CACNA1C: variants seen among roughly 807,000 people sequenced by gnomAD.
The protein encoded by CACNA1C is voltage-dependent L-type calcium channel subunit alpha-1C.
CACNA1C carries 30 observed loss-of-function variants against 229.0 expected under a neutral mutation model. That is an observed-to-expected ratio of 0.13 (90% confidence interval 0.10 to 0.18). CACNA1C has a LOEUF of 0.18. CACNA1C is among the 10% of genes least tolerant of loss of function. The pLI is 1.00. For missense variants in CACNA1C, 1,658 were observed against 2,845.0 expected, an observed-to-expected ratio of 0.58 and a Z score of 9.49; for synonymous variants, 1,114 against 1,132.5, an observed-to-expected ratio of 0.98 and a Z score of 0.33.
At chr12:2,320,184 G>A (rs145959458) in intron 3 of CACNA1C, among the ~76,000 whole-genome samples, 87 of 152,296 alleles carry the variant, frequency 5.7e-4, no homozygotes, top group Middle Eastern at 3.4e-3. Flanking sequence ...GTTTCCAGTG[G>A]TTGGTCAGTG....
At chr12:2,352,574 GA>G (rs1164578353) in intron 3 of CACNA1C, among the ~76,000 whole-genome samples, 6 of 151,358 alleles carry the variant, frequency 4.0e-5, no homozygotes, top group South Asian at 2.1e-4. Context: ...CAAGGATGCT[GA>G]AATTAGCACT....
At position 2,137,387 on chromosome 12, in the gene CACNA1C, C is replaced by T. The variant is rs558868073; in HGVS notation, c.477+16957C>T. Among the ~76,000 whole-genome samples, 17 of 151,124 alleles carry T rather than the reference C, an allele frequency of 1.1e-4. 1 individual carries two copies. The highest frequency in any genetic ancestry group is 1.2e-4 in the Non-Finnish European group (8 of 67,554). On this transcript the variant is annotated intron_variant, in intron 3 of 46. Transcript: ENST00000399655. ...GAGAATATAGATAGAAATGCTCCGC[C>T]CAGCTCTACCAAAAAAAAAAGTATA...
chr12:2,330,140 G>C (rs560191371), intron 3 of CACNA1C, among the ~76,000 whole-genome samples: 156 of 152,314 alleles, frequency 1.0e-3, no homozygotes, highest in Non-Finnish European at 1.7e-3. Flanking sequence ...CACACATCCT[G>C]TTTGAATTGC....
intron 3 of CACNA1C, among the ~76,000 whole-genome samples, chr12:2,416,910 T>C (rs550649614): frequency 6.6e-6 from 1 of 152,348 alleles, no homozygotes; most frequent in Admixed American, 6.5e-5. Context: ...AACCCAGCTC[T>C]TCTAGCTCCA....
At chr12:2,685,989 G>A (rs189098896) in intron 44 of CACNA1C, 147 bp downstream of exon 44, 44 of 791,668 alleles carry the variant, frequency 5.6e-5, no homozygotes, top group Non-Finnish European at 8.6e-5. Flanking sequence ...ACATTCCAAA[G>A]GCAGGGTGTG....
rs778174101 is a variant in CACNA1C, at chr12:2,457,724, T to C, written c.757+18T>C. 5.1e-6 allele frequency: 8 copies of C among 1,566,122 alleles called. No homozygotes were observed. The highest frequency in any genetic ancestry group is 6.0e-6 in the Non-Finnish European group (7 of 1,157,504). ...AGTCCCAAGTAAGTGAAGCCCGTTC[T>C]TGTGTACAGTGTTATCTCCTCACCA... is the stretch of plus-strand genomic sequence containing the variant. On this transcript the variant is annotated intron_variant, in intron 5 of 46. Transcript: ENST00000399655.
Position 2,053,879 on chromosome 12 carries a change from C to A in CACNA1C, c.49+268C>A, listed in dbSNP as rs536632940. Among the ~76,000 whole-genome samples the A allele has an allele frequency of 2.0e-5, 3 of 148,904 alleles. No homozygotes were observed. The East Asian group carries it at 6.0e-4, about 30-fold the overall frequency. Reference sequence around the variant, plus strand: ...CATGTGTTTCCTGTGAAATTCCAGGCGAGGGGGGAAAAGTTCCCCAAGTGG... The same window carrying A: ...CATGTGTTTCCTGTGAAATTCCAGGAGAGGGGGGAAAAGTTCCCCAAGTGG... On this transcript the variant is annotated intron_variant, in intron 1 of 46. Transcript: ENST00000399655. This position sits in a 1 kb window ranked among gnomAD's most constrained non-coding sequence, Gnocchi z 5.8.
chr12:2,414,189 A>G (rs7312105), intron 3 of CACNA1C, among the ~76,000 whole-genome samples: 51,893 of 152,026 alleles, frequency 0.34, 9,257 homozygotes, highest in Admixed American at 0.47. Flanking sequence ...CCGTGTTCCA[A>G]GTGTCACTTG....
chr12:2,185,875 C>T (rs1035952442), intron 3 of CACNA1C, among the ~76,000 whole-genome samples: 7 of 152,280 alleles, frequency 4.6e-5, no homozygotes, highest in Admixed American at 1.3e-4. Context: ...GCTCCAGCCG[C>T]GCCTGGGCAG....
chr12:2,110,304 C>T (rs966486987), intron 1 of CACNA1C, among the ~76,000 whole-genome samples: 1 of 152,196 alleles, frequency 6.6e-6, no homozygotes, highest in African/African-American at 2.4e-5. Flanking sequence ...GGCCATTTGA[C>T]AGGTGGGAGG....
intron 1 of CACNA1C, chr12:1,992,952 C>T (rs1276820151): frequency 1.2e-5 from 7 of 596,114 alleles, no homozygotes; most frequent in Non-Finnish European, 2.1e-5. Context: ...GCAGTCTCCT[C>T]ACTAAGAACT....
chr12:2,413,671 C>T (rs1029154076), intron 3 of CACNA1C, among the ~76,000 whole-genome samples: 1 of 152,164 alleles, frequency 6.6e-6, no homozygotes, highest in Non-Finnish European at 1.5e-5. Context: ...ACTCAAGTCC[C>T]GCCGTCCCTC....
Position 2,564,794 on chromosome 12 carries a change from C to T in CACNA1C, c.1509-1628C>T, listed in dbSNP as rs74053835. On this transcript the variant is annotated intron_variant, in intron 11 of 46. Coordinates refer to ENST00000399655, the MANE Select transcript of CACNA1C (RefSeq NM_000719.7). ...TCTTTTCCATTAATATAGCTATTGCCTTCATCATCTCTAACCTGGAGAACA... is the reference window on the plus strand; with the variant it reads ...TCTTTTCCATTAATATAGCTATTGCTTTCATCATCTCTAACCTGGAGAACA... 5.8e-3 allele frequency among the ~76,000 whole-genome samples: 885 copies of T among 152,266 alleles called. 11 individuals carry two copies. Among genetic ancestry groups the T allele is most frequent in the African/African-American group, 0.02 (839 of 41,528 alleles).
intron 3 of CACNA1C, among the ~76,000 whole-genome samples, chr12:2,363,876 T>C (rs903020637): frequency 5.9e-5 from 9 of 152,190 alleles, no homozygotes; most frequent in Admixed American, 5.9e-4. Flanking sequence ...AGGCTGGGGA[T>C]GTTCAAATAG....
intron 3 of CACNA1C, among the ~76,000 whole-genome samples, chr12:2,257,273 T>G (rs1359387239): frequency 1.3e-5 from 2 of 152,188 alleles, no homozygotes; most frequent in Non-Finnish European, 2.9e-5. Context: ...AGAAATGTAG[T>G]CCAGCTGAGT....
chr12:2,597,247 T>C lies in CACNA1C; in HGVS notation c.2811T>C (p.Asp937=). Residue 937 remains aspartate (D), a synonymous_variant, in exon 21 of 47, where the codon GAT becomes GAC. Transcript: ENST00000399655. The surrounding 1 kb of genome is among the most constrained non-coding windows in gnomAD (Gnocchi z 4.3). ...TTTTGCAGATTCTGTTTTATTTTGATATTGTTTTTACCACCATTTTCACCA... is the reference window on the plus strand; with the variant it reads ...TTTTGCAGATTCTGTTTTATTTTGACATTGTTTTTACCACCATTTTCACCA... ...SFRNHILFYF[D]IVFTTIFTIE... The C allele has an allele frequency of 6.2e-7, 1 of 1,611,824 alleles. No homozygotes were observed. The highest frequency in any genetic ancestry group is 8.5e-7 in the Non-Finnish European group (1 of 1,177,960).
chr12:2,628,964 C>A (rs995649874), intron 29 of CACNA1C, among the ~76,000 whole-genome samples: 2 of 151,978 alleles, frequency 1.3e-5, no homozygotes, highest in Non-Finnish European at 2.9e-5. Context: ...CTGAGGAGGC[C>A]GGATAGAGTC....
At chr12:2,258,486 C>G (rs2078834048) in intron 3 of CACNA1C, among the ~76,000 whole-genome samples, 1 of 151,790 alleles carries the variant, frequency 6.6e-6, no homozygotes, top group Admixed American at 6.6e-5. Context: ...TGGGATAAAA[C>G]AACTAAATTT....
At chr12:2,140,757 G>A (rs1237290401) in intron 3 of CACNA1C, among the ~76,000 whole-genome samples, 1 of 151,414 alleles carries the variant, frequency 6.6e-6, no homozygotes, top group Non-Finnish European at 1.5e-5. Flanking sequence ...ACCAGGCTAG[G>A]TGCTGGAAAA....
Sources: gnomAD v4.1 joint callset for allele counts (sites outside exome capture counted in the v4.1 genomes callset) on GRCh38, gnomAD v4.1.1 for gene constraint, Gnocchi (gnomAD v3.1) non-coding constraint, MANE v1.5 for transcripts, NCBI Gene and HGNC (gene_info 2026-07-23, HGNC 2026-07-21) for gene names.